The following PKHD1L1 variants were observed in gnomAD, a reference collection of about 807,000 sequenced individuals.
The protein encoded by PKHD1L1 is PKHD1 like 1.
PKHD1L1 carries 434 observed loss-of-function variants against 462.9 expected under a neutral mutation model. That is an observed-to-expected ratio of 0.94 (90% CI 0.87 to 1.02). The LOEUF is 1.02. Among genes scored for constraint, PKHD1L1 ranks in the 50% least tolerant of loss-of-function variants. The probability of loss-of-function intolerance (pLI) is 0.00; values close to 1 mark genes in which losing one functional copy is unlikely to be tolerated. For missense variants in PKHD1L1, 5,202 were observed against 5,096.1 expected (o/e 1.02, Z -0.63); for synonymous variants, 1,781 against 1,750.0 (o/e 1.02, Z -0.44).
At position 109,362,650 on chromosome 8, in the gene PKHD1L1, A is replaced by G; in HGVS notation, c.70A>G (p.Thr24Ala). ...GLLLCAADPS[T>A]DGSQIIPKVT... The stretch of plus-strand genomic sequence containing the variant: ...GCTCCTGTGTGCCGCGGATCCCAGC[A>G]CAGGTAACCCTTTGGGCACGCTAGG... The change falls in exon 1 of 78, where the codon ACA becomes GCA. Residue 24 changes from threonine to alanine, a missense_variant. Thr to Ala is a moderately conservative substitution (Grantham distance 58). Around this residue, in one of 3 missense-constraint regions of PKHD1L1, gnomAD observed 4,497 missense variants for 4,336.8 expected, o/e 1.04. Coordinates refer to ENST00000378402, the MANE Select transcript of PKHD1L1 (RefSeq NM_177531.6). 1 of 1,601,224 alleles carries G rather than the reference A, an allele frequency of 6.2e-7. No homozygotes were observed. The highest frequency in any genetic ancestry group is 1.1e-5 in the South Asian group (1 of 88,364).
chr8:109,491,974 C>A lies in PKHD1L1; in HGVS notation c.10216C>A (p.Leu3406Ile). The A allele has an allele frequency of 6.4e-7, 1 of 1,562,788 alleles. No homozygotes were observed. Among genetic ancestry groups the A allele is most frequent in the Non-Finnish European group, 8.7e-7 (1 of 1,149,900 alleles). The part of the protein sequence containing the change: ...YQNRKDLSST[L>I]WHAAIEINRG... Reference sequence around the variant, plus strand: ...GAACAGAAAAGATTTAAGTTCAACTCTCTGGCATGCAGCAATTGAGGTAGT... The same window carrying A: ...GAACAGAAAAGATTTAAGTTCAACTATCTGGCATGCAGCAATTGAGGTAGT... The change falls in exon 62 of 78, where the codon CTC becomes ATC. Residue 3406 changes from leucine (L) to isoleucine (I), a missense_variant. By Grantham distance (5) the Leu-to-Ile change is conservative (BLOSUM62 2). This residue lies in a region of PKHD1L1 where 4,497 missense variants were observed against 4,336.8 expected (regional missense o/e 1.04). Transcript: ENST00000378402.
Position 109,430,184 on chromosome 8 carries a change from A to G in PKHD1L1, c.3229+147A>G, listed in dbSNP as rs545489410. On this transcript the variant is annotated intron_variant, in intron 27 of 77. Coordinates refer to ENST00000378402, the MANE Select transcript of PKHD1L1 (RefSeq NM_177531.6). ...CTACATTGTGAAAATTAAAAACCCT[A>G]TCAGAGAAAAAAACTATGGAAAGGG... 21 of 470,004 alleles carry G rather than the reference A, an allele frequency of 4.5e-5. No homozygotes were observed. The South Asian group carries it at 1.1e-3, about 25-fold the overall frequency. The allele number at this position is 470,004 out of a possible 1,614,324, so 29.1% of individuals were successfully genotyped here.
chr8:109,515,126 T>C (rs1820198588), intron 71 of PKHD1L1, 44 bp from the exon 72 acceptor site: 2 of 1,379,556 alleles, frequency 1.4e-6, no homozygotes, highest in South Asian at 2.9e-5. Flanking sequence ...AAATTACAAA[T>C]ATTCTATTTT....
At chr8:109,459,862 G>T (rs1479902297) in intron 47 of PKHD1L1, 26 bp downstream of exon 47, 2 of 1,589,946 alleles carry the variant, frequency 1.3e-6, no homozygotes, top group African/African-American at 1.3e-5. Context: ...CTCGTGGTTG[G>T]TATAATCATG....
intron 4 of PKHD1L1, among the ~76,000 whole-genome samples, 178 bp downstream of exon 4, chr8:109,382,749 AT>A (rs1404544538): frequency 6.6e-6 from 1 of 151,820 alleles, no homozygotes; most frequent in Non-Finnish European, 1.5e-5. Flanking sequence ...AATGTCTGTT[AT>A]TTCTGATTTG....
intron 11 of PKHD1L1, 66 bp downstream of exon 11, chr8:109,396,203 GTAA>G: frequency 1.4e-5 from 15 of 1,086,904 alleles, no homozygotes; most frequent in East Asian, 5.2e-5. Context: ...TTAATAATTT[GTAA>G]TAATAATAAT....
At chr8:109,435,728 A>C (rs1815370658) in intron 29 of PKHD1L1, among the ~76,000 whole-genome samples, 1 of 152,202 alleles carries the variant, frequency 6.6e-6, no homozygotes, top group Non-Finnish European at 1.5e-5. Flanking sequence ...TTCTGGGAAC[A>C]AACTGGGGAA....
intron 3 of PKHD1L1, 24 bp from the exon 4 acceptor site, chr8:109,382,439 A>T: frequency 6.4e-7 from 1 of 1,564,786 alleles, no homozygotes; most frequent in Non-Finnish European, 8.7e-7. Flanking sequence ...TGCATGTCTC[A>T]TATATTCTTC....
At position 109,362,629 on chromosome 8, in the gene PKHD1L1, C is replaced by T. The variant is rs1212788054; in HGVS notation, c.49C>T (p.Leu17=). Residue 17 remains leucine (L), a synonymous_variant, in exon 1 of 78, where the codon CTG becomes TTG. Coordinates refer to ENST00000378402, the MANE Select transcript of PKHD1L1 (RefSeq NM_177531.6). ...LGIWGLCGLL[L]CAADPSTDGS... ...TATTTGGGGCCTCTGTGGGCTGCTC[C>T]TGTGTGCCGCGGATCCCAGCACAGG... 2 of 1,607,538 alleles carry T rather than the reference C, an allele frequency of 1.2e-6. No homozygotes were observed. Among genetic ancestry groups the T allele is most frequent in the Non-Finnish European group, 1.7e-6 (2 of 1,177,176 alleles).
In PKHD1L1 at chr8:109,464,671, C is replaced by G. The variant is rs781416562; in HGVS notation, c.7839C>G (p.Asn2613Lys). ...QKRVPLGEFF[N>K]NTVHSQGWFG... ...GAGTTCCCCTTGGCGAATTTTTTAA[C>G]AATACTGTCCATTCTCAAGGTTGGT... Residue 2613 changes from asparagine (N) to lysine (K), a missense_variant, in exon 49 of 78, where the codon AAC becomes AAG. This residue lies in a region of PKHD1L1 where 4,497 missense variants were observed against 4,336.8 expected (regional missense o/e 1.04). Transcript: ENST00000378402. 14 of 1,613,342 alleles carry G rather than the reference C, an allele frequency of 8.7e-6. No homozygotes were observed. Among genetic ancestry groups the G allele is most frequent in the African/African-American group, 1.3e-5 (1 of 75,036 alleles).
At chr8:109,385,741 C>G (rs1366311427) in intron 6 of PKHD1L1, 111 bp downstream of exon 6, 1 of 621,046 alleles carries the variant, frequency 1.6e-6, no homozygotes, top group Non-Finnish European at 2.5e-6. Flanking sequence ...TATAACTAAC[C>G]AGTGTTTTTT....
intron 62 of PKHD1L1, among the ~76,000 whole-genome samples, chr8:109,493,238 T>C (rs948625043): frequency 8.8e-5 from 13 of 148,392 alleles, no homozygotes; most frequent in African/African-American, 3.2e-4. Flanking sequence ...TATATTTATA[T>C]TAAACATATA....
At chr8:109,390,047 G>A (rs1157314621) in intron 8 of PKHD1L1, among the ~76,000 whole-genome samples, 1 of 151,596 alleles carries the variant, frequency 6.6e-6, no homozygotes, top group African/African-American at 2.4e-5. Flanking sequence ...CCTTCCTCTA[G>A]ACAATATGTT....
rs756481452 is a variant in PKHD1L1 at position 109,445,112 on chromosome 8, C to T, written c.5243C>T (p.Thr1748Ile). The T allele has an allele frequency of 8.7e-6, 14 of 1,613,872 alleles. No homozygotes were observed. Among genetic ancestry groups the T allele is most frequent in the Non-Finnish European group, 1.7e-6 (2 of 1,179,898 alleles). Residue 1748 changes from threonine to isoleucine, a missense_variant, in exon 38 of 78, where the codon ACT becomes ATT. Transcript: ENST00000378402. ...NCTFSYLESI[T>I]PYITGVFPNS... is the part of the protein sequence containing the mutation. ...ACCTTTTCATACTTAGAAAGCATCA[C>T]TCCTTACATAACAGGAGTCTTCCCA...
intron 46 of PKHD1L1, among the ~76,000 whole-genome samples, chr8:109,458,476 A>G (rs1485143233): frequency 1.3e-5 from 2 of 152,136 alleles, no homozygotes; most frequent in Non-Finnish European, 2.9e-5. Flanking sequence ...AATGATTTCA[A>G]TGGGTGTCAT....
Position 109,451,125 on chromosome 8 carries a change from T to C in PKHD1L1, c.6326T>C (p.Leu2109Pro). 3 of 1,610,538 alleles carry C rather than the reference T, an allele frequency of 1.9e-6. No homozygotes were observed. Among genetic ancestry groups the C allele is most frequent in the Non-Finnish European group, 2.5e-6 (3 of 1,177,790 alleles). ...KRGSTAGGTR[L>P]TVVGSGFSEN... is the part of the protein sequence containing the mutation. ...GGCAGTACAGCAGGGGGCACCAGAC[T>C]GACAGTCGTGGGATCAGGATTCAGG... is the stretch of plus-strand genomic sequence containing the variant. Residue 2109 changes from leucine (L) to proline (P), a missense_variant, in exon 41 of 78, where the codon CTG (leucine) becomes CCG (proline). Leu to Pro is a moderately conservative substitution (Grantham distance 98). This residue lies in a region of PKHD1L1 where 4,497 missense variants were observed against 4,336.8 expected (regional missense o/e 1.04). Transcript: ENST00000378402.
Position 109,464,570 on chromosome 8 carries a change from A to T in PKHD1L1, c.7738A>T (p.Thr2580Ser). 3.1e-6 allele frequency: 5 copies of T among 1,613,430 alleles called. No homozygotes were observed. The highest frequency in any genetic ancestry group is 4.2e-6 in the Non-Finnish European group (5 of 1,179,774). ...ACGACACAATGCTGTTGCTGGTGGC[A>T]CTCACTTTGGCTTTTGGTACCGGAT... ...TIRHNAVAGG[T>S]HFGFWYRMNN... The change falls in exon 49 of 78, where the codon ACT (threonine) becomes TCT (serine). Residue 2580 changes from threonine to serine, a missense_variant. By Grantham distance (58) the Thr-to-Ser change is moderately conservative. Around this residue, in one of 3 missense-constraint regions of PKHD1L1, gnomAD observed 4,497 missense variants for 4,336.8 expected, o/e 1.04. Transcript: ENST00000378402.
Position 109,442,092 on chromosome 8 carries a change from G to T in PKHD1L1, c.4290G>T (p.Pro1430=). ...TGGCATGGCATTGGCAAACACATCC[G>T]TTTCTTAGAGGGATAGGATATAGGA... is the stretch of plus-strand genomic sequence containing the variant. ...DTVAWHWQTH[P]FLRGIGYRIF... Residue 1430 remains proline (P), a synonymous_variant, in exon 35 of 78, where the codon CCG becomes CCT. Coordinates refer to ENST00000378402, the MANE Select transcript of PKHD1L1 (RefSeq NM_177531.6). 4 of 1,613,376 alleles carry T rather than the reference G, an allele frequency of 2.5e-6. No homozygotes were observed. The highest frequency in any genetic ancestry group is 3.4e-6 in the Non-Finnish European group (4 of 1,179,542).
In PKHD1L1 at chr8:109,408,102, G is replaced by A. The variant is rs1442672389; in HGVS notation, c.1867G>A (p.Asp623Asn). Residue 623 changes from aspartate to asparagine, a missense_variant, in exon 18 of 78, where the codon GAT (aspartate) becomes AAT (asparagine). Physicochemically the swap from Asp to Asn is conservative, Grantham distance 23 (BLOSUM62 1). Around this residue, in one of 3 missense-constraint regions of PKHD1L1, gnomAD observed 4,497 missense variants for 4,336.8 expected, o/e 1.04. Coordinates refer to ENST00000378402, the MANE Select transcript of PKHD1L1 (RefSeq NM_177531.6). ...EVVEGNNVTL[D>N]ITEQTKGKPN... ...AGTTGAAGGGAATAATGTCACACTG[G>A]ATATTACAGAACAAACCAAAGGAAA... 6.2e-7 allele frequency: 1 copy of A among 1,613,130 alleles called. No individual in the cohort carries two copies. Among genetic ancestry groups the A allele is most frequent in the Non-Finnish European group, 8.5e-7 (1 of 1,179,426 alleles).
Sources: gnomAD v4.1 joint callset for allele counts (sites outside exome capture counted in the v4.1 genomes callset) on GRCh38, gnomAD v4.1.1 for gene constraint, gnomAD v4.1.1 regional missense constraint, MANE v1.5 for transcripts, NCBI Gene and HGNC (gene_info 2026-07-23, HGNC 2026-07-21) for gene names.